Variants in SBNO2 observed in about 807,000 individuals in gnomAD.
SBNO2 encodes the protein strawberry notch homolog 2, also known as protein strawberry notch homolog 2.
Under a neutral mutation model 146.3 loss-of-function variants are expected in SBNO2, and 89 were observed. The ratio of observed to expected loss-of-function variants is 0.61; its 90% CI spans 0.51 to 0.73. SBNO2 has a LOEUF of 0.73. SBNO2 is among the 30% of genes least tolerant of loss of function. The pLI is 0.00. For synonymous variants in SBNO2, 1,147 were observed against 892.6 expected (o/e 1.29, Z -5.08); for missense variants, 2,092 against 2,003.7 (o/e 1.04, Z -0.84).
In SBNO2 at chr19:1,165,011, G is replaced by A. The variant is rs975422008; in HGVS notation, c.-127+9161C>T. ...GGAGGAGGCAGCGGCGGCACTGTGG[G>A]TCTTCCACAGGGTGTGCCCGGAGGA... On this transcript the variant is annotated intron_variant, in intron 1 of 31. Coordinates refer to ENST00000361757, the MANE Select transcript of SBNO2 (RefSeq NM_014963.3). Among the ~76,000 whole-genome samples the A allele has an allele frequency of 2.0e-5, 3 of 149,490 alleles. No homozygotes were observed. In the Admixed American group the frequency reaches 2.0e-4, roughly 10 times the overall value.
chr19:1,127,429 A>G (rs2145240050), intron 5 of SBNO2, 175 bp downstream of exon 5: 2 of 645,876 alleles, frequency 3.1e-6, no homozygotes, highest in Non-Finnish European at 5.4e-6. Context: ...TCAGGACACA[A>G]GAGGACCCTC....
Position 1,109,541 on chromosome 19 carries a change from T to G in SBNO2, c.3181A>C (p.Thr1061Pro), listed in dbSNP as rs1223843575. Residue 1061 changes from threonine (T) to proline (P), a missense_variant, in exon 28 of 32, where the codon ACG becomes CCG. Thr to Pro is a conservative substitution (Grantham distance 38). Coordinates refer to ENST00000361757, the MANE Select transcript of SBNO2 (RefSeq NM_014963.3). This position sits in a 1 kb window ranked among gnomAD's most constrained non-coding sequence, Gnocchi z 4.2. ...AGGTAGAAGCCGTCATAGGGGCCCG[T>G]CAGCGCCAGCGACTTGGCAAAGGCG... ...EDAFAKSLAL[T>P]GPYDGFYLSY... is the part of the protein sequence containing the mutation. 1 of 1,600,492 alleles carries G rather than the reference T, an allele frequency of 6.2e-7. No homozygotes were observed. The highest frequency in any genetic ancestry group is 8.5e-7 in the Non-Finnish European group (1 of 1,175,082).
At chr19:1,127,514 A>T in intron 5 of SBNO2, 90 bp downstream of exon 5, 2 of 1,227,464 alleles carry the variant, frequency 1.6e-6, no homozygotes, top group East Asian at 2.3e-5. Flanking sequence ...AGAGTGGGGG[A>T]GACTGAGACC....
At position 1,157,796 on chromosome 19, in the gene SBNO2, T is replaced by C. The variant is rs73918355; in HGVS notation, c.-126-3394A>G. Among the ~76,000 whole-genome samples the C allele has an allele frequency of 1.4e-4, 21 of 150,762 alleles. No individual in the cohort carries two copies. Among genetic ancestry groups the C allele is most frequent in the African/African-American group, 4.0e-4 (16 of 40,302 alleles). ...GAGAATCCGAGGAACCGGGTAACTG[T>C]GTCCGCCTCCCAGCTCTCTCCTGAG... On this transcript the variant is annotated intron_variant, in intron 1 of 31. Coordinates refer to ENST00000361757, the MANE Select transcript of SBNO2 (RefSeq NM_014963.3). This position sits in a 1 kb window ranked among gnomAD's most constrained non-coding sequence, Gnocchi z 6.8.
chr19:1,157,209 G>A lies in SBNO2; in HGVS notation c.-126-2807C>T, dbSNP rs959019728. Among the ~76,000 whole-genome samples the A allele has an allele frequency of 2.0e-5, 3 of 152,128 alleles. No individual in the cohort carries two copies. Among genetic ancestry groups the A allele is most frequent in the South Asian group, 4.1e-4 (2 of 4,832 alleles). On this transcript the variant is annotated intron_variant, in intron 1 of 31. Transcript: ENST00000361757. This position sits in a 1 kb window ranked among gnomAD's most constrained non-coding sequence, Gnocchi z 6.8. ...CCCATTGACTCCGCCGCCGTTTCTT[G>A]CAGCAGCTGTGACCACGCCATGTCT...
intron 4 of SBNO2, among the ~76,000 whole-genome samples, chr19:1,141,220 A>AC (rs2080134343): frequency 6.9e-6 from 1 of 145,192 alleles, no homozygotes; most frequent in Non-Finnish European, 1.5e-5. Context: ...TTTTTTTGTA[A>AC]TTTTTTTTTT....
intron 4 of SBNO2, chr19:1,131,989 T>A: frequency 1.2e-6 from 1 of 842,454 alleles, no homozygotes; most frequent in Non-Finnish European, 1.7e-6. Context: ...TAGGATGAGA[T>A]GCCGGCTGCT....
chr19:1,121,937 C>G (rs2079905204), intron 11 of SBNO2, among the ~76,000 whole-genome samples: 2 of 152,284 alleles, frequency 1.3e-5, no homozygotes, highest in South Asian at 2.1e-4. Context: ...CTGAGCAAAG[C>G]TGGGGGCTGG....
intron 4 of SBNO2, among the ~76,000 whole-genome samples, chr19:1,130,306 C>T (rs888671623): frequency 1.3e-5 from 2 of 152,106 alleles, no homozygotes; most frequent in African/African-American, 4.8e-5. Flanking sequence ...TGCACTGTCC[C>T]TGCAGCTTTT....
chr19:1,122,370 G>T (rs1221593755), intron 10 of SBNO2, 88 bp from the exon 11 acceptor site: 1 of 1,517,650 alleles, frequency 6.6e-7, no homozygotes, highest in African/African-American at 1.4e-5. Flanking sequence ...GTGCTGGGCA[G>T]AGCCTGCCCT....
chr19:1,152,149 G>GT (rs2080248204), intron 2 of SBNO2, among the ~76,000 whole-genome samples: 2 of 152,324 alleles, frequency 1.3e-5, no homozygotes, highest in African/African-American at 4.8e-5. Flanking sequence ...GCACGGGTGC[G>GT]CCCCGGCCTG....
intron 7 of SBNO2, 101 bp from the exon 8 acceptor site, chr19:1,123,146 G>T: frequency 7.2e-7 from 1 of 1,389,032 alleles, no homozygotes; most frequent in East Asian, 2.5e-5. Context: ...GCCAGAGCTG[G>T]CGGGGCAGTT....
chr19:1,170,621 CACAT>C (rs2145363873), intron 1 of SBNO2, among the ~76,000 whole-genome samples: 1 of 152,236 alleles, frequency 6.6e-6, no homozygotes, highest in African/African-American at 2.4e-5. Flanking sequence ...AAATCACACA[CACAT>C]GCACACAGGG....
intron 1 of SBNO2, among the ~76,000 whole-genome samples, chr19:1,156,921 A>C: frequency 6.6e-6 from 1 of 151,040 alleles, no homozygotes. Flanking sequence ...ACCCTCTGCA[A>C]TCCCCCAGGA....
chr19:1,108,747 G>C, intron 31 of SBNO2, 32 bp downstream of exon 31: 1 of 1,589,092 alleles, frequency 6.3e-7, no homozygotes, highest in South Asian at 1.1e-5. Context: ...CTGGGGGCTC[G>C]GGCCTTCCCG....
chr19:1,111,983 T>G lies in SBNO2; in HGVS notation c.2700+13A>C. On this transcript the variant is annotated intron_variant, in intron 23 of 31. Coordinates refer to ENST00000361757, the MANE Select transcript of SBNO2 (RefSeq NM_014963.3). The stretch of plus-strand genomic sequence containing the variant: ...CCCTGCCCCGCCCCCCAACCCTGCC[T>G]TCCCTGCAGTACCTTGTTCTCAAAG... 26 of 1,331,766 alleles carry G rather than the reference T, an allele frequency of 2.0e-5. No homozygotes were observed. Among genetic ancestry groups the G allele is most frequent in the Non-Finnish European group, 2.3e-5 (22 of 959,284 alleles). The allele number at this position is 1,331,766 out of a possible 1,614,324, so 82.5% of individuals were successfully genotyped here. A position where few individuals can be genotyped will look rare whatever the true frequency, so the allele number is the denominator to read the frequency against.
chr19:1,108,460 G>A lies in SBNO2; in HGVS notation c.3861C>T (p.Gly1287=), dbSNP rs1356445316. The A allele has an allele frequency of 3.1e-5, 38 of 1,228,832 alleles. No homozygotes were observed. The highest frequency in any genetic ancestry group is 3.6e-5 in the Non-Finnish European group (35 of 981,318). 76.1% of individuals were successfully genotyped at this position (1,228,832 alleles called of 1,614,324 possible). Residue 1287 remains glycine, a synonymous_variant, in exon 32 of 32, where the codon GGC becomes GGT. Transcript: ENST00000361757. ...CGTCGGGGGTGCCCAGCGGCACGACGCCGGGGCCGGCGTCCAGGGACAGCG... is the reference window on the plus strand; with the variant it reads ...CGTCGGGGGTGCCCAGCGGCACGACACCGGGGCCGGCGTCCAGGGACAGCG... ...PAPLSLDAGP[G]VVPLGTPDAQ...
At chr19:1,128,373 AAGG>A (rs2079991757) in intron 4 of SBNO2, 3 of 333,146 alleles carry the variant, frequency 9.0e-6, no homozygotes, top group South Asian at 2.2e-5. Flanking sequence ...CTGCCCAGTG[AAGG>A]AGATGTATGT....
At chr19:1,148,142 G>A (rs1347929599) in intron 3 of SBNO2, among the ~76,000 whole-genome samples, 1 of 151,996 alleles carries the variant, frequency 6.6e-6, no homozygotes. Flanking sequence ...CTCCAGCAGG[G>A]CTGGCAGCAG....
Sources: allele counts gnomAD v4.1 joint callset (sites outside exome capture counted in the v4.1 genomes callset), GRCh38; gene constraint gnomAD v4.1.1; non-coding constraint Gnocchi (gnomAD v3.1); transcripts MANE v1.5; gene names NCBI Gene and HGNC (gene_info 2026-07-23, HGNC 2026-07-21).